The following FBXW7 variants were observed in gnomAD, a reference collection of about 807,000 sequenced individuals.
FBXW7 encodes F-box/WD repeat-containing protein 7.
A neutral mutation model predicts 86.3 loss-of-function variants in FBXW7; 11 were observed. That is an observed-to-expected ratio of 0.13 (90% confidence interval 0.08 to 0.21). The LOEUF is 0.21. Among genes scored for constraint, FBXW7 ranks in the 10% least tolerant of loss-of-function variants. The pLI, the probability that FBXW7 is intolerant of heterozygous loss-of-function variation, is 1.00. For missense variants in FBXW7, 488 were observed against 847.4 expected, an observed-to-expected ratio of 0.58 and a Z score of 5.27; for synonymous variants, 313 against 297.9, an observed-to-expected ratio of 1.05 and a Z score of -0.52.
intron 2 of FBXW7, among the ~76,000 whole-genome samples, chr4:152,422,691 G>A (rs1342750380): frequency 6.6e-6 from 1 of 152,050 alleles, no homozygotes; most frequent in Non-Finnish European, 1.5e-5. Flanking sequence ...ACATTCTTGT[G>A]ACCACCACAC....
chr4:152,446,244 C>T (rs1000373489), intron 2 of FBXW7, among the ~76,000 whole-genome samples: 4 of 152,096 alleles, frequency 2.6e-5, no homozygotes, highest in Non-Finnish European at 5.9e-5. Flanking sequence ...GAATTACTAT[C>T]CTACTTAGGA....
chr4:152,405,118 A>AG (rs397823290), intron 4 of FBXW7, among the ~76,000 whole-genome samples: 2 of 150,028 alleles, frequency 1.3e-5, no homozygotes, highest in Non-Finnish European at 3.0e-5. Context: ...AAAAAAAAAA[A>AG]GAGGTGAAAT....
At chr4:152,485,291 G>A (rs748441547) in intron 2 of FBXW7, among the ~76,000 whole-genome samples, 1 of 152,124 alleles carries the variant, frequency 6.6e-6, no homozygotes, top group Non-Finnish European at 1.5e-5. Flanking sequence ...AATTGCCTAT[G>A]TGAAAAATAT....
chr4:152,450,450 T>C (rs1230117342), intron 2 of FBXW7, among the ~76,000 whole-genome samples: 1 of 152,214 alleles, frequency 6.6e-6, no homozygotes, highest in Non-Finnish European at 1.5e-5. Context: ...GTTTCTTAAA[T>C]GAGCAAAAGA....
intron 4 of FBXW7, 58 bp from the exon 5 acceptor site, chr4:152,350,182 G>T: frequency 1.1e-6 from 1 of 936,202 alleles, no homozygotes; most frequent in Non-Finnish European, 1.6e-6. Flanking sequence ...ATCAAATCTT[G>T]AGTCAGCATG....
chr4:152,499,963 C>T (rs967185421), intron 2 of FBXW7, among the ~76,000 whole-genome samples: 3 of 152,134 alleles, frequency 2.0e-5, no homozygotes, highest in African/African-American at 4.8e-5. Context: ...GTCAAGCTAC[C>T]TTATGAAAAT....
chr4:152,488,907 C>T (rs1024173563), intron 2 of FBXW7, among the ~76,000 whole-genome samples: 1 of 151,950 alleles, frequency 6.6e-6, no homozygotes, highest in African/African-American at 2.4e-5. Flanking sequence ...ACAATTCCTG[C>T]CCTCAAGCAA....
intron 2 of FBXW7, among the ~76,000 whole-genome samples, chr4:152,458,350 TG>T (rs1742633419): frequency 6.6e-6 from 1 of 152,142 alleles, no homozygotes; most frequent in Non-Finnish European, 1.5e-5. Context: ...GTTGACATAG[TG>T]GTCAAAAAGA....
chr4:152,530,209 A>C (rs557705397), intron 2 of FBXW7: 1 of 152,138 alleles, frequency 6.6e-6, no homozygotes, highest in African/African-American at 2.4e-5. Context: ...GTTAATATAC[A>C]CTAGTACTTG....
intron 2 of FBXW7, among the ~76,000 whole-genome samples, chr4:152,429,064 C>T (rs1306466154): frequency 6.6e-6 from 1 of 152,180 alleles, no homozygotes; most frequent in South Asian, 2.1e-4. Context: ...GTGACACATG[C>T]CTATAATCCC....
intron 2 of FBXW7, among the ~76,000 whole-genome samples, chr4:152,461,231 C>T (rs1297019443): frequency 2.6e-5 from 4 of 152,004 alleles, no homozygotes; most frequent in East Asian, 3.8e-4. Context: ...CCAGCCTGGG[C>T]GACGGAGCAA....
At chr4:152,340,693 CTT>C (rs1241744998) in intron 6 of FBXW7, among the ~76,000 whole-genome samples, 1 of 151,622 alleles carries the variant, frequency 6.6e-6, no homozygotes, top group Non-Finnish European at 1.5e-5. Flanking sequence ...AATCACATCT[CTT>C]TGGTGATTCT....
chr4:152,382,466 C>T, intron 4 of FBXW7: 2 of 1,218,826 alleles, frequency 1.6e-6, no homozygotes, highest in Admixed American at 8.5e-5. Flanking sequence ...CCAAGGCCTG[C>T]TGCTTTTGTC....
At chr4:152,460,357 T>C (rs75574983) in intron 2 of FBXW7, among the ~76,000 whole-genome samples, 2,078 of 152,316 alleles carry the variant, frequency 0.014, 24 homozygotes, top group Middle Eastern at 0.037. Flanking sequence ...TCACAGGTAC[T>C]TGTTTTTAAA....
intron 4 of FBXW7, among the ~76,000 whole-genome samples, chr4:152,398,883 C>T (rs924343299): frequency 6.6e-6 from 1 of 152,034 alleles, no homozygotes; most frequent in African/African-American, 2.4e-5. Flanking sequence ...ATTGTAACCA[C>T]TGGCCAAATG....
In FBXW7 at chr4:152,322,316, A is replaced by G. The variant is rs998747871; in HGVS notation, c.*565T>C. ...ATACTGTGATTGATTGACATTGGCA[A>G]TGGTTGGCAAAAAAAAAAAAAAAAA... On this transcript the variant is annotated 3_prime_UTR_variant, in exon 14 of 14. Coordinates refer to ENST00000281708, the MANE Select transcript of FBXW7 (RefSeq NM_001349798.2). The G allele has an allele frequency of 5.0e-6, 1 of 199,740 alleles. No individual in the cohort carries two copies. Among genetic ancestry groups the G allele is most frequent in the East Asian group, 6.9e-5 (1 of 14,568 alleles). 12.4% of individuals were successfully genotyped at this position (199,740 alleles called of 1,614,324 possible).
intron 2 of FBXW7, among the ~76,000 whole-genome samples, chr4:152,428,490 G>A (rs557000507): frequency 1.4e-3 from 217 of 152,242 alleles, no homozygotes; most frequent in African/African-American, 5.0e-3. Flanking sequence ...TATTTCCACT[G>A]TCCTGGGACT....
intron 4 of FBXW7, among the ~76,000 whole-genome samples, chr4:152,385,745 A>G (rs1244800044): frequency 1.3e-5 from 2 of 152,076 alleles, no homozygotes; most frequent in Non-Finnish European, 2.9e-5. Flanking sequence ...TAATTCAATT[A>G]TTATTTTTTT....
At chr4:152,489,236 C>T (rs957131912) in intron 2 of FBXW7, 1 of 154,264 alleles carries the variant, frequency 6.5e-6, no homozygotes, top group African/African-American at 2.4e-5. Flanking sequence ...TTGTGTTGCC[C>T]TCGAATTTGA....
Sources: gnomAD v4.1 joint callset for allele counts (sites outside exome capture counted in the v4.1 genomes callset) on GRCh38, gnomAD v4.1.1 for gene constraint, MANE v1.5 for transcripts, NCBI Gene and HGNC (gene_info 2026-07-23, HGNC 2026-07-21) for gene names.